PDZD2: variants seen among roughly 807,000 people sequenced by gnomAD.
The protein encoded by PDZD2 is PDZ domain-containing protein 2.
Under a neutral mutation model 220.7 loss-of-function variants are expected in PDZD2, and 90 were observed. That is an observed-to-expected ratio of 0.41 (90% CI 0.34 to 0.49). The LOEUF (loss-of-function observed/expected upper bound fraction) is 0.49, where lower values mean the gene tolerates loss of function less well. Ranked by LOEUF, PDZD2 falls within the 20% of genes least tolerant of loss-of-function variation. The pLI is 0.28. For synonymous variants in PDZD2, 1,375 were observed against 1,450.5 expected, an observed-to-expected ratio of 0.95 and a Z score of 1.18; for missense variants, 3,174 against 3,608.5, an observed-to-expected ratio of 0.88 and a Z score of 3.08.
At chr5:31,802,792 T>C (rs1561471622) in intron 2 of PDZD2, among the ~76,000 whole-genome samples, 3 of 151,086 alleles carry the variant, frequency 2.0e-5, no homozygotes, top group Non-Finnish European at 3.0e-5. Context: ...TGGTGGCGGG[T>C]GCCTGTAGTC....
In PDZD2 at chr5:32,088,800, T is replaced by G; in HGVS notation, c.5352T>G (p.Asp1784Glu). ...NLHISESQDL[D>E]DLLQKPKMIA... Reference sequence around the variant, plus strand: ...ACATCTCTGAAAGTCAAGACCTGGATGACTTGCTACAGAAACCAAAAATGA... The same window carrying G: ...ACATCTCTGAAAGTCAAGACCTGGAGGACTTGCTACAGAAACCAAAAATGA... The change falls in exon 20 of 25, where the codon GAT (aspartate) becomes GAG (glutamate). Residue 1784 changes from aspartate to glutamate, a missense_variant. Asp to Glu is a conservative substitution (Grantham distance 45, BLOSUM62 2). Coordinates refer to ENST00000438447, the MANE Select transcript of PDZD2 (RefSeq NM_178140.4). This position sits in a 1 kb window ranked among gnomAD's most constrained non-coding sequence, Gnocchi z 4.6. 1 of 1,613,980 alleles carries G rather than the reference T, an allele frequency of 6.2e-7. No individual in the cohort carries two copies. The highest frequency in any genetic ancestry group is 1.1e-5 in the South Asian group (1 of 91,060).
At chr5:31,870,929 A>G (rs1255514983) in intron 2 of PDZD2, among the ~76,000 whole-genome samples, 4 of 151,896 alleles carry the variant, frequency 2.6e-5, no homozygotes, top group African/African-American at 7.3e-5. Context: ...AACCTTATTC[A>G]AATAACTTAG....
intron 2 of PDZD2, among the ~76,000 whole-genome samples, chr5:31,945,141 G>A (rs958667772): frequency 2.0e-5 from 3 of 152,084 alleles, no homozygotes; most frequent in Admixed American, 2.0e-4. Flanking sequence ...CTGTACTTCC[G>A]CAGCCCAAGC....
chr5:31,906,299 G>A (rs1238832960), intron 2 of PDZD2, among the ~76,000 whole-genome samples: 4 of 149,450 alleles, frequency 2.7e-5, no homozygotes, highest in African/African-American at 4.9e-5. Flanking sequence ...TTTTGAGATG[G>A]GGTCTCACCC....
intron 2 of PDZD2, among the ~76,000 whole-genome samples, chr5:31,896,160 T>C (rs1741530986): frequency 6.6e-6 from 1 of 152,212 alleles, no homozygotes; most frequent in South Asian, 2.1e-4. Flanking sequence ...CCAGGTATTG[T>C]GACGGAAAGG....
In PDZD2 at chr5:32,041,213, T is replaced by C. The variant is rs867432895; in HGVS notation, c.1519+3871T>C. ...CTGCCCGGCCGCCCCGTCTGGGAGGTGGGGAGCGCCTCTGCCCGGCCGCCC... is the reference window on the plus strand; with the variant it reads ...CTGCCCGGCCGCCCCGTCTGGGAGGCGGGGAGCGCCTCTGCCCGGCCGCCC... On this transcript the variant is annotated intron_variant, in intron 7 of 24. Coordinates refer to ENST00000438447, the MANE Select transcript of PDZD2 (RefSeq NM_178140.4). Among the ~76,000 whole-genome samples the C allele has an allele frequency of 1.5e-4, 19 of 122,998 alleles. 1 individual carries two copies. In the South Asian group the frequency reaches 3.5e-3, roughly 23 times the overall value. 80.7% of individuals were successfully genotyped at this position (122,998 alleles called of 152,430 possible).
At chr5:32,072,103 C>T in intron 16 of PDZD2, 58 bp from the exon 17 acceptor site, 1 of 1,261,080 alleles carries the variant, frequency 7.9e-7, no homozygotes, top group South Asian at 1.3e-5. Context: ...CGTAATAACC[C>T]TTGAAAGTCT....
chr5:32,094,143 G>A (rs1167487506), intron 21 of PDZD2, among the ~76,000 whole-genome samples: 1 of 151,432 alleles, frequency 6.6e-6, no homozygotes, highest in African/African-American at 2.5e-5. Flanking sequence ...GAAACCCTGA[G>A]TGTGAGTGGA....
In PDZD2 at chr5:32,010,355, G is replaced by A; in HGVS notation, c.1280G>A (p.Arg427Lys). ...SKENSAEDLLRLTSKSLPDLT... is the reference protein window; with the variant it reads ...SKENSAEDLLKLTSKSLPDLT... ...GAAAACTCCGCAGAGGACCTCCTCA[G>A]GTTAACATCTAAGAGCTTGCCAGAT... The change falls in exon 6 of 25, where the codon AGG becomes AAG. Residue 427 changes from arginine to lysine, a missense_variant. Coordinates refer to ENST00000438447, the MANE Select transcript of PDZD2 (RefSeq NM_178140.4). The A allele has an allele frequency of 1.2e-6, 2 of 1,608,784 alleles. No individual in the cohort carries two copies. The highest frequency in any genetic ancestry group is 2.2e-5 in the South Asian group (2 of 90,912).
intron 4 of PDZD2, among the ~76,000 whole-genome samples, chr5:31,996,994 G>A (rs1276709645): frequency 6.6e-6 from 1 of 152,214 alleles, no homozygotes; most frequent in Non-Finnish European, 1.5e-5. Context: ...GAGTAAGAAG[G>A]ATGTAGCTGT....
At position 31,849,949 on chromosome 5, in the gene PDZD2, CATATATATATATACACATATATATATAT is replaced by C. The variant is rs1561507289; in HGVS notation, c.476+50227_476+50254del. ...ATATATATACACATATATATATATA[CATATATATATATACACATATATATATAT>C]ACATATATATATATACACATATATA... On this transcript the variant is annotated intron_variant, in intron 2 of 24. Coordinates refer to ENST00000438447, the MANE Select transcript of PDZD2 (RefSeq NM_178140.4). Among the ~76,000 whole-genome samples the C allele has an allele frequency of 2.4e-4, 5 of 20,454 alleles. 2 individuals carry two copies. The highest frequency in any genetic ancestry group is 1.2e-3 in the Admixed American group (2 of 1,628). 13.4% of individuals were successfully genotyped at this position (20,454 alleles called of 152,430 possible). A position where few individuals can be genotyped will look rare whatever the true frequency, so the allele number is the denominator to read the frequency against.
At chr5:32,009,249 G>A (rs957427950) in intron 5 of PDZD2, among the ~76,000 whole-genome samples, 2 of 151,986 alleles carry the variant, frequency 1.3e-5, no homozygotes, top group Non-Finnish European at 2.9e-5. Flanking sequence ...GAGTTGAGGT[G>A]GGAGAATCGC....
At chr5:31,658,739 C>T (rs1327674997) in intron 1 of PDZD2, among the ~76,000 whole-genome samples, 2 of 152,104 alleles carry the variant, frequency 1.3e-5, no homozygotes, top group African/African-American at 4.8e-5. Flanking sequence ...CCTGTCCCAG[C>T]CTCCTGAGTA....
At chr5:32,032,280 C>G (rs1755183150) in intron 6 of PDZD2, among the ~76,000 whole-genome samples, 1 of 152,158 alleles carries the variant, frequency 6.6e-6, no homozygotes, top group Non-Finnish European at 1.5e-5. Flanking sequence ...TGAGCCTGGT[C>G]TCTGTGTTCT....
At chr5:31,920,761 CTG>C (rs1251215913) in intron 2 of PDZD2, among the ~76,000 whole-genome samples, 2 of 152,166 alleles carry the variant, frequency 1.3e-5, no homozygotes, top group Admixed American at 6.5e-5. Flanking sequence ...TAAAAATCCT[CTG>C]TGCCCATTTT....
chr5:32,048,592 A>G lies in PDZD2; in HGVS notation c.1573A>G (p.Asn525Asp). 1.2e-6 allele frequency: 2 copies of G among 1,613,962 alleles called. No individual in the cohort carries two copies. The highest frequency in any genetic ancestry group is 2.7e-5 in the African/African-American group (2 of 75,006). Residue 525 changes from asparagine to aspartate, a missense_variant, in exon 8 of 25, where the codon AAT (asparagine) becomes GAT (aspartate). Around this residue, in one of 4 missense-constraint regions of PDZD2, gnomAD observed 632 missense variants for 708.1 expected, o/e 0.89. Transcript: ENST00000438447. Reference protein sequence around the residue: ...VEEYNELMVRNGDPRIRMLEV... With the variant: ...VEEYNELMVRDGDPRIRMLEV... Reference sequence around the variant, plus strand: ...AGAATATAACGAGCTGATGGTGCGGAATGGGGACCCCCGGATCCGGATGTT... The same window carrying G: ...AGAATATAACGAGCTGATGGTGCGGGATGGGGACCCCCGGATCCGGATGTT...
rs191912863 is a variant in PDZD2, at chr5:31,676,966, G to A, written c.-361+37529G>A. ...CTTTCCCCAAGGCCAGAGACATGGCGGATCCTATTCCTTCCCCTGCCAGGT... is the reference window on the plus strand; with the variant it reads ...CTTTCCCCAAGGCCAGAGACATGGCAGATCCTATTCCTTCCCCTGCCAGGT... On this transcript the variant is annotated intron_variant, in intron 1 of 24. Transcript: ENST00000438447. 8.5e-5 allele frequency among the ~76,000 whole-genome samples: 13 copies of A among 152,176 alleles called. No individual in the cohort carries two copies. In the East Asian group the frequency reaches 1.9e-3, roughly 23 times the overall value.
chr5:31,729,189 C>T (rs1371475100), intron 1 of PDZD2, among the ~76,000 whole-genome samples: 5 of 148,708 alleles, frequency 3.4e-5, no homozygotes, highest in Non-Finnish European at 5.9e-5. Flanking sequence ...CTGCAACCTC[C>T]GCCTCCTGGA....
chr5:32,078,202 C>G (rs1264473706), intron 19 of PDZD2, among the ~76,000 whole-genome samples: 1 of 152,154 alleles, frequency 6.6e-6, no homozygotes, highest in East Asian at 1.9e-4. Flanking sequence ...TCACAGCACT[C>G]TGCCTACGTG....
Sources: allele counts gnomAD v4.1 joint callset (sites outside exome capture counted in the v4.1 genomes callset), GRCh38; gene constraint gnomAD v4.1.1; regional missense constraint gnomAD v4.1.1; non-coding constraint Gnocchi (gnomAD v3.1); transcripts MANE v1.5; gene names NCBI Gene and HGNC (gene_info 2026-07-23, HGNC 2026-07-21).